The following UGT1A8 variants were observed in gnomAD, a reference collection of about 807,000 sequenced individuals.
UGT1A8 encodes the protein UDP-glucuronosyltransferase 1A8.
Under a neutral mutation model 45.3 loss-of-function variants are expected in UGT1A8, and 39 were observed. That is an observed-to-expected ratio of 0.86 (90% confidence interval 0.67 to 1.12). The LOEUF (loss-of-function observed/expected upper bound fraction) is 1.12, where lower values mean the gene tolerates loss of function less well. Ranked by LOEUF, UGT1A8 falls within the 50% of genes most tolerant of loss-of-function variation. The pLI is 0.00. For missense variants in UGT1A8, 719 were observed against 664.9 expected, an observed-to-expected ratio of 1.08 and a Z score of -0.90; for synonymous variants, 275 against 249.2, an observed-to-expected ratio of 1.10 and a Z score of -0.97.
rs771390950 is a variant in UGT1A8, at chr2:233,729,756, G to T, written c.856-37278G>T. The T allele has an allele frequency of 1.9e-6, 3 of 1,613,874 alleles. No individual in the cohort carries two copies. The South Asian group carries it at 3.3e-5, about 18-fold the overall frequency. On this transcript the variant is annotated intron_variant, in intron 1 of 4. Transcript: ENST00000373450. ...CAGACCACATGACATTCATGCAAAG[G>T]GTCAAGAACATGCTCTACCCTCTGG... is the stretch of plus-strand genomic sequence containing the variant.
chr2:233,745,215 C>A (rs1693043227), intron 1 of UGT1A8, among the ~76,000 whole-genome samples: 1 of 151,738 alleles, frequency 6.6e-6, no homozygotes, highest in African/African-American at 2.4e-5. Context: ...TCCTCTCAGA[C>A]AAAAGGAAAT....
Position 233,768,449 on chromosome 2 carries a change from A to T in UGT1A8, c.1295+10A>T, listed in dbSNP as rs757647919. 6.2e-7 allele frequency: 1 copy of T among 1,611,702 alleles called. No individual in the cohort carries two copies. The highest frequency in any genetic ancestry group is 8.5e-7 in the Non-Finnish European group (1 of 1,178,666). On this transcript the variant is annotated intron_variant, in intron 4 of 4. Coordinates refer to ENST00000373450, the MANE Select transcript of UGT1A8 (RefSeq NM_019076.5). ...TCATCAATGACAAAAGGTAAGAAAG[A>T]AGATACAGAAGAATACTTTGGTCAT...
intron 1 of UGT1A8, chr2:233,717,818 C>G (rs565320763): frequency 4.4e-6 from 2 of 455,640 alleles, no homozygotes; most frequent in Non-Finnish European, 8.8e-6. Context: ...TTATGCAGCC[C>G]GTTCTGTTCT....
At chr2:233,678,818 C>T (rs1352104099) in intron 1 of UGT1A8, among the ~76,000 whole-genome samples, 1 of 152,192 alleles carries the variant, frequency 6.6e-6, no homozygotes, top group East Asian at 1.9e-4. Context: ...CTCCAAGAGT[C>T]ATATTTTGAA....
intron 1 of UGT1A8, among the ~76,000 whole-genome samples, chr2:233,667,701 C>G (rs1313228381): frequency 2.0e-5 from 3 of 152,070 alleles, no homozygotes; most frequent in Non-Finnish European, 4.4e-5. Context: ...ATCAAACAGC[C>G]CCATCAAAAA....
Position 233,669,306 on chromosome 2 carries a change from A to G in UGT1A8, c.855+50744A>G, listed in dbSNP as rs545434565. ...ATTTTTGCTATTGTAGGTCTTTTAC[A>G]TTTCCCTATGAATTTTAGAATCAGT... On this transcript the variant is annotated intron_variant, in intron 1 of 4. Coordinates refer to ENST00000373450, the MANE Select transcript of UGT1A8 (RefSeq NM_019076.5). Among the ~76,000 whole-genome samples, 8 of 151,548 alleles carry G rather than the reference A, an allele frequency of 5.3e-5. No homozygotes were observed. In the South Asian group the frequency reaches 1.7e-3, roughly 32 times the overall value.
intron 1 of UGT1A8, among the ~76,000 whole-genome samples, chr2:233,645,328 C>A (rs1218627275): frequency 6.6e-6 from 1 of 152,148 alleles, no homozygotes; most frequent in Non-Finnish European, 1.5e-5. Context: ...GGGGACACAG[C>A]CAAACCATAT....
intron 1 of UGT1A8, among the ~76,000 whole-genome samples, chr2:233,621,404 GGTT>G (rs2073004430): frequency 6.6e-6 from 1 of 152,132 alleles, no homozygotes; most frequent in African/African-American, 2.4e-5. Context: ...ATCCATGGTA[GGTT>G]CAGCTCTGCA....
rs779987960 is a variant in UGT1A8, at chr2:233,672,060, G to A, written c.855+53498G>A. On this transcript the variant is annotated intron_variant, in intron 1 of 4. Transcript: ENST00000373450. ...ATGGGAGCCACTGGTTCACCATGAG[G>A]TCGGTGGTGGAGAAACTCATTCTCA... The A allele has an allele frequency of 1.9e-5, 30 of 1,614,030 alleles. 1 individual carries two copies. The South Asian group carries it at 2.7e-4, about 15-fold the overall frequency.
At chr2:233,736,896 C>T (rs1212789655) in intron 1 of UGT1A8, among the ~76,000 whole-genome samples, 1 of 152,186 alleles carries the variant, frequency 6.6e-6, no homozygotes, top group Non-Finnish European at 1.5e-5. Context: ...GCTGCCTGAT[C>T]CTTCCTCTGG....
intron 1 of UGT1A8, chr2:233,682,174 C>T (rs1233717806): frequency 6.2e-7 from 1 of 1,614,200 alleles, no homozygotes; most frequent in Non-Finnish European, 8.5e-7. Flanking sequence ...CTTACTCAAC[C>T]TCATACACTC....
chr2:233,759,602 C>T (rs1283516103), intron 1 of UGT1A8, among the ~76,000 whole-genome samples: 2 of 135,262 alleles, frequency 1.5e-5, no homozygotes, highest in African/African-American at 5.3e-5. Flanking sequence ...ACCCCCGACC[C>T]GCCCCACCCA....
At chr2:233,689,119 C>A (rs1178609064) in intron 1 of UGT1A8, among the ~76,000 whole-genome samples, 3 of 152,204 alleles carry the variant, frequency 2.0e-5, no homozygotes, top group African/African-American at 7.2e-5. Flanking sequence ...GGAACCACAA[C>A]CCACATTGTT....
At chr2:233,744,484 GC>G (rs2125863541) in intron 1 of UGT1A8, among the ~76,000 whole-genome samples, 1 of 151,978 alleles carries the variant, frequency 6.6e-6, no homozygotes, top group Non-Finnish European at 1.5e-5. Context: ...TATTAATTGG[GC>G]AATTTAGTAA....
At chr2:233,650,217 G>T (rs1432386602) in intron 1 of UGT1A8, among the ~76,000 whole-genome samples, 1 of 152,120 alleles carries the variant, frequency 6.6e-6, no homozygotes, top group Non-Finnish European at 1.5e-5. Flanking sequence ...TGATCTGCCT[G>T]CCTCGGCCTC....
At chr2:233,771,437 T>C (rs981684428) in intron 4 of UGT1A8, 1 of 152,226 alleles carries the variant, frequency 6.6e-6, no homozygotes, top group Non-Finnish European at 1.5e-5. Context: ...CATTTTGCAC[T>C]AAGTGGCTGC....
At chr2:233,738,051 A>T (rs1690672255) in intron 1 of UGT1A8, among the ~76,000 whole-genome samples, 1 of 152,154 alleles carries the variant, frequency 6.6e-6, no homozygotes, top group Admixed American at 6.5e-5. Context: ...TGAGGACAGG[A>T]CATGGTGGGA....
intron 1 of UGT1A8, among the ~76,000 whole-genome samples, chr2:233,635,441 A>G (rs918330096): frequency 6.6e-6 from 1 of 150,774 alleles, no homozygotes; most frequent in African/African-American, 2.5e-5. Flanking sequence ...TCTGGGATAC[A>G]TGTACTGTCG....
At chr2:233,681,395 A>T (rs4530361) in intron 1 of UGT1A8, among the ~76,000 whole-genome samples, 1 of 151,480 alleles carries the variant, frequency 6.6e-6, no homozygotes, top group African/African-American at 2.4e-5. Flanking sequence ...TTAGCTGGGC[A>T]TGGCAGCGTG....
Sources: allele counts gnomAD v4.1 joint callset (sites outside exome capture counted in the v4.1 genomes callset), GRCh38; gene constraint gnomAD v4.1.1; transcripts MANE v1.5; gene names NCBI Gene and HGNC (gene_info 2026-07-23, HGNC 2026-07-21).